The following DNAH5 variants were observed in gnomAD, a reference collection of about 807,000 sequenced individuals.
DNAH5 encodes the protein dynein axonemal heavy chain 5.
In DNAH5, 372 loss-of-function variants were observed where a neutral mutation model predicts 518.2. The ratio of observed to expected loss-of-function variants is 0.72; its 90% confidence interval spans 0.66 to 0.78. The LOEUF (loss-of-function observed/expected upper bound fraction) is 0.78. Ranked by LOEUF, DNAH5 falls within the 30% of genes least tolerant of loss-of-function variation. The pLI is 0.00. For synonymous variants in DNAH5, 2,039 were observed against 2,025.9 expected (o/e 1.01, Z -0.17); for missense variants, 5,523 against 5,687.0 (o/e 0.97, Z 0.93).
At chr5:13,708,671 A>C (rs117641282) in intron 75 of DNAH5, among the ~76,000 whole-genome samples, 1 of 152,274 alleles carries the variant, frequency 6.6e-6, no homozygotes, top group East Asian at 1.9e-4. Context: ...GCTCTTTCAA[A>C]CCCACATGTG....
intron 1 of DNAH5, among the ~76,000 whole-genome samples, chr5:14,002,744 T>A (rs1346300305): frequency 2.0e-5 from 3 of 152,002 alleles, no homozygotes. Flanking sequence ...AGAATTTGAG[T>A]TTACTTTTTT....
intron 1 of DNAH5, among the ~76,000 whole-genome samples, chr5:13,982,840 T>A (rs1377045473): frequency 2.0e-5 from 3 of 152,264 alleles, no homozygotes; most frequent in Admixed American, 6.5e-5. Context: ...AGGAAGACCA[T>A]GGCAAGGCCT....
chr5:13,918,477 T>A (rs13359851), intron 7 of DNAH5, among the ~76,000 whole-genome samples: 1 of 152,218 alleles, frequency 6.6e-6, no homozygotes, highest in South Asian at 2.1e-4. Context: ...TTTTGTTTTT[T>A]GTTTTTTATT....
intron 65 of DNAH5, among the ~76,000 whole-genome samples, chr5:13,749,248 G>GAA (rs35031085): frequency 6.6e-6 from 1 of 151,576 alleles, no homozygotes; most frequent in South Asian, 2.1e-4. Context: ...TATTATGAAA[G>GAA]AAAAAAAATG....
At chr5:13,828,568 A>C (rs1297255805) in intron 38 of DNAH5, among the ~76,000 whole-genome samples, 2 of 152,228 alleles carry the variant, frequency 1.3e-5, no homozygotes, top group East Asian at 1.9e-4. Context: ...GTGTGTGATT[A>C]TGTGGTCACA....
intron 63 of DNAH5, 95 bp downstream of exon 63, chr5:13,753,138 C>G (rs1750483072): frequency 2.2e-6 from 2 of 889,478 alleles, no homozygotes; most frequent in Admixed American, 1.9e-5. Flanking sequence ...AAAAACATCT[C>G]TAGTGTTTTC....
At chr5:13,794,309 G>A (rs981291405) in intron 47 of DNAH5, among the ~76,000 whole-genome samples, 8 of 152,172 alleles carry the variant, frequency 5.3e-5, no homozygotes, top group Admixed American at 1.3e-4. Flanking sequence ...AATGGGATGA[G>A]ACTCGTCTGT....
At chr5:13,920,752 C>T (rs542196093) in intron 5 of DNAH5, 135 bp from the exon 6 acceptor site, 2 of 855,010 alleles carry the variant, frequency 2.3e-6, no homozygotes, top group African/African-American at 3.4e-5. Context: ...CTCCTCTCCA[C>T]TCCCACGTGC....
intron 1 of DNAH5, among the ~76,000 whole-genome samples, chr5:13,985,431 ATATATATATAT>A (rs1469893803): frequency 2.7e-3 from 1 of 364 alleles, no homozygotes; most frequent in East Asian, 0.25. Context: ...GTATAATAAA[ATATATATATAT>A]ATATATATAT....
intron 47 of DNAH5, among the ~76,000 whole-genome samples, chr5:13,806,193 G>A (rs561270683): frequency 6.6e-6 from 1 of 152,126 alleles, no homozygotes; most frequent in South Asian, 2.1e-4. Context: ...CACATATAAC[G>A]TTAGCATCTT....
At position 13,725,663 on chromosome 5, in the gene DNAH5, A is replaced by T. The variant is rs924651549; in HGVS notation, c.12033+1844T>A. 2.0e-5 allele frequency among the ~76,000 whole-genome samples: 3 copies of T among 149,890 alleles called. No individual in the cohort carries two copies. The South Asian group carries it at 6.3e-4, about 32-fold the overall frequency. On this transcript the variant is annotated intron_variant, in intron 70 of 78. Transcript: ENST00000265104. ...CTGTGCCAACCTCCCTTTGTTGAGTATTTTTTTTTTGAGATGGAGTCTCAC... is the reference window on the plus strand; with the variant it reads ...CTGTGCCAACCTCCCTTTGTTGAGTTTTTTTTTTTTGAGATGGAGTCTCAC...
At chr5:13,741,081 A>C (rs1252828685) in intron 65 of DNAH5, among the ~76,000 whole-genome samples, 2 of 152,208 alleles carry the variant, frequency 1.3e-5, no homozygotes, top group Admixed American at 1.3e-4. Context: ...ACACACAGTG[A>C]ACTGGAAAAT....
chr5:13,850,170 GA>G (rs58376393), intron 31 of DNAH5, among the ~76,000 whole-genome samples: 57,329 of 150,132 alleles, frequency 0.38, 11,080 homozygotes, highest in South Asian at 0.47. Context: ...TTAACCAAAG[GA>G]AAAAAAAACA....
chr5:13,950,259 C>A (rs756532267), intron 1 of DNAH5, among the ~76,000 whole-genome samples: 1 of 151,838 alleles, frequency 6.6e-6, no homozygotes, highest in Non-Finnish European at 1.5e-5. Context: ...ATATTTTGAA[C>A]AAATTTTGCT....
chr5:13,990,931 A>G (rs1020725119), intron 1 of DNAH5, among the ~76,000 whole-genome samples: 2 of 152,228 alleles, frequency 1.3e-5, no homozygotes, highest in Non-Finnish European at 2.9e-5. Flanking sequence ...TTTAACCCTA[A>G]ATAAATTAAC....
chr5:13,874,733 G>C (rs1580699466), intron 22 of DNAH5, among the ~76,000 whole-genome samples: 1 of 152,230 alleles, frequency 6.6e-6, no homozygotes, highest in East Asian at 1.9e-4. Context: ...GGCTAGGCTG[G>C]TCTCAAACTC....
At chr5:13,916,914 T>C (rs1025970491) in intron 8 of DNAH5, among the ~76,000 whole-genome samples, 1 of 152,168 alleles carries the variant, frequency 6.6e-6, no homozygotes, top group Non-Finnish European at 1.5e-5. Context: ...TAACATCTCA[T>C]ATACATCTTC....
chr5:13,844,866 T>C lies in DNAH5; in HGVS notation c.5242A>G (p.Asn1748Asp). Residue 1748 changes from asparagine to aspartate, a missense_variant, in exon 32 of 79, where the codon AAC becomes GAC. Around this residue, in one of 3 missense-constraint regions of DNAH5, gnomAD observed 5,121 missense variants for 5,223.3 expected, o/e 0.98. Coordinates refer to ENST00000265104, the MANE Select transcript of DNAH5 (RefSeq NM_001369.3). ...TCGTGGAACTTGACAGATTTAATGT[T>C]GTCAAACACATTCAGCAAATGGGCC... Reference protein sequence around the residue: ...IQAHLLNVFDNIKSVKFHEKI... With the variant: ...IQAHLLNVFDDIKSVKFHEKI... 1.2e-6 allele frequency: 2 copies of C among 1,614,216 alleles called. No homozygotes were observed. Among genetic ancestry groups the C allele is most frequent in the Non-Finnish European group, 1.7e-6 (2 of 1,180,032 alleles).
intron 1 of DNAH5, among the ~76,000 whole-genome samples, chr5:13,991,016 T>G (rs9312858): frequency 6.6e-6 from 1 of 151,984 alleles, no homozygotes; most frequent in African/African-American, 2.4e-5. Context: ...AAATCCCTCC[T>G]GCGGGCTGCT....
Sources: gnomAD v4.1 joint callset for allele counts (sites outside exome capture counted in the v4.1 genomes callset) on GRCh38, gnomAD v4.1.1 for gene constraint, gnomAD v4.1.1 regional missense constraint, MANE v1.5 for transcripts, NCBI Gene and HGNC (gene_info 2026-07-23, HGNC 2026-07-21) for gene names.